Variants in SUCLA2 observed in about 807,000 individuals in gnomAD.
The protein encoded by SUCLA2 is succinate--CoA ligase [ADP-forming] subunit beta, mitochondrial.
SUCLA2 carries 30 observed loss-of-function variants against 54.8 expected under a neutral mutation model. The ratio of observed to expected loss-of-function variants is 0.55; its 90% CI spans 0.41 to 0.74. SUCLA2 has a LOEUF of 0.74. Ranked by LOEUF, SUCLA2 falls within the 30% of genes least tolerant of loss-of-function variation. SUCLA2 has a pLI of 0.00. For synonymous variants in SUCLA2, 172 were observed against 188.9 expected (o/e 0.91, Z 0.74); for missense variants, 476 against 562.9 (o/e 0.85, Z 1.56).
At chr13:47,957,889 G>T (rs977787100) in intron 6 of SUCLA2, among the ~76,000 whole-genome samples, 2 of 152,158 alleles carry the variant, frequency 1.3e-5, no homozygotes, top group Non-Finnish European at 1.5e-5. Context: ...TGTCAGTTTG[G>T]ACACTTTTGG....
chr13:47,973,870 G>C lies in SUCLA2; in HGVS notation c.535-478C>G, dbSNP rs1972347. On this transcript the variant is annotated intron_variant, in intron 4 of 10. Transcript: ENST00000646932. Reference sequence around the variant, plus strand: ...AACCAAACATCACATGTTCTCACTCGTAAGTGGGAACTGAACAATGAGAAC... The same window carrying C: ...AACCAAACATCACATGTTCTCACTCCTAAGTGGGAACTGAACAATGAGAAC... Among the ~76,000 whole-genome samples, 5 of 151,888 alleles carry C rather than the reference G, an allele frequency of 3.3e-5. 1 individual carries two copies. The highest frequency in any genetic ancestry group is 3.3e-4 in the Admixed American group (5 of 15,242).
intron 6 of SUCLA2, among the ~76,000 whole-genome samples, chr13:47,967,671 T>C (rs551123103): frequency 1.3e-3 from 165 of 129,182 alleles, no homozygotes; most frequent in Non-Finnish European, 2.5e-3. Context: ...TGAAACCTCA[T>C]CTCTACTAAA....
chr13:47,968,107 AAAATT>A (rs750738402), intron 6 of SUCLA2, among the ~76,000 whole-genome samples: 71 of 152,228 alleles, frequency 4.7e-4, no homozygotes, highest in Non-Finnish European at 7.6e-4. Flanking sequence ...CTAATTCCAT[AAAATT>A]ACAGCTCAAT....
chr13:47,974,225 C>T (rs1949990726), intron 4 of SUCLA2, among the ~76,000 whole-genome samples: 1 of 151,682 alleles, frequency 6.6e-6, no homozygotes, highest in Admixed American at 6.6e-5. Context: ...ATCCTGAAAA[C>T]AGATATTTGA....
intron 6 of SUCLA2, among the ~76,000 whole-genome samples, chr13:47,958,107 G>C (rs1949836583): frequency 1.3e-5 from 2 of 152,202 alleles, no homozygotes; most frequent in African/African-American, 4.8e-5. Flanking sequence ...AAGCAGGGTT[G>C]AGCCTGGTTA....
chr13:47,971,701 C>T (rs1036481404), intron 5 of SUCLA2: 1 of 389,578 alleles, frequency 2.6e-6, no homozygotes, highest in Non-Finnish European at 4.5e-6. Context: ...TAAAATCATT[C>T]ATAAACCACA....
chr13:47,948,912 C>A (rs757612780), intron 10 of SUCLA2, 28 bp downstream of exon 10: 7 of 1,600,504 alleles, frequency 4.4e-6, no homozygotes, highest in Non-Finnish European at 6.0e-6. Context: ...GTTTATAAAT[C>A]CTCCTTAGAT....
chr13:47,949,885 T>G (rs12874522), intron 8 of SUCLA2, among the ~76,000 whole-genome samples: 1 of 152,180 alleles, frequency 6.6e-6, no homozygotes, highest in Non-Finnish European at 1.5e-5. Flanking sequence ...TTACTTTCTC[T>G]TGTTAAATTT....
At chr13:47,970,429 T>C (rs937310894) in intron 5 of SUCLA2, among the ~76,000 whole-genome samples, 2 of 152,180 alleles carry the variant, frequency 1.3e-5, no homozygotes, top group African/African-American at 4.8e-5. Flanking sequence ...AATTTCACTC[T>C]CCAGTCATCA....
intron 10 of SUCLA2, among the ~76,000 whole-genome samples, chr13:47,945,077 G>GC (rs1386834603): frequency 4.0e-5 from 6 of 151,398 alleles, no homozygotes; most frequent in African/African-American, 1.5e-4. Context: ...TGGTGAAACC[G>GC]CATCTCTACT....
At chr13:47,975,176 T>C (rs1446236046) in intron 4 of SUCLA2, among the ~76,000 whole-genome samples, 1 of 151,866 alleles carries the variant, frequency 6.6e-6, no homozygotes, top group Non-Finnish European at 1.5e-5. Flanking sequence ...TTTTTTTTTT[T>C]TTTATCTGGA....
At chr13:48,000,813 C>CA in intron 1 of SUCLA2, 1 of 1,088,004 alleles carries the variant, frequency 9.2e-7, no homozygotes, top group Non-Finnish European at 1.1e-6. Context: ...CCCCCCTGCC[C>CA]AAAAAGGGGC....
At position 47,988,922 on chromosome 13, in the gene SUCLA2, A is replaced by G. The variant is rs1390092661; in HGVS notation, c.331T>C (p.Phe111Leu). The change falls in exon 3 of 11, where the codon TTT becomes CTT. Residue 111 changes from phenylalanine (F) to leucine (L), a missense_variant. Physicochemically the swap from Phe to Leu is conservative, Grantham distance 22 (BLOSUM62 0). Transcript: ENST00000646932. ...ACTCCTCCTTTGAGGCCACTTTCAAATGTTCCTTTTCCTCTACCACCAGCT... is the reference window on the plus strand; with the variant it reads ...ACTCCTCCTTTGAGGCCACTTTCAAGTGTTCCTTTTCCTCTACCACCAGCT... Reference protein sequence around the residue: ...VLAGGRGKGTFESGLKGGVKI... With the variant: ...VLAGGRGKGTLESGLKGGVKI... 6.2e-7 allele frequency: 1 copy of G among 1,613,338 alleles called. No individual in the cohort carries two copies. The highest frequency in any genetic ancestry group is 1.3e-5 in the African/African-American group (1 of 74,920).
intron 5 of SUCLA2, chr13:47,971,446 T>C (rs1445305587): frequency 6.4e-6 from 1 of 155,172 alleles, no homozygotes; most frequent in African/African-American, 2.4e-5. Flanking sequence ...AAAAGATGAG[T>C]CACTTATTTT....
intron 4 of SUCLA2, among the ~76,000 whole-genome samples, chr13:47,982,359 A>G (rs1319070053): frequency 1.3e-5 from 2 of 152,224 alleles, no homozygotes; most frequent in Non-Finnish European, 2.9e-5. Context: ...CAGCTACTTC[A>G]GGTATCTAAA....
intron 1 of SUCLA2, among the ~76,000 whole-genome samples, chr13:48,000,136 T>TGAA (rs1555260542): frequency 2.1e-4 from 20 of 93,168 alleles, no homozygotes; most frequent in Admixed American, 6.2e-4. Context: ...TCAATAAAAA[T>TGAA]GAAAAAAAAA....
intron 10 of SUCLA2, among the ~76,000 whole-genome samples, chr13:47,944,315 TATC>T (rs1399285448): frequency 3.3e-5 from 5 of 152,194 alleles, no homozygotes; most frequent in Admixed American, 6.5e-5. Context: ...TAACTGCTAA[TATC>T]ATCATCATCT....
chr13:47,973,425 A>T (rs752764499), intron 4 of SUCLA2, 33 bp from the exon 5 acceptor site: 12 of 1,609,776 alleles, frequency 7.5e-6, no homozygotes, highest in Non-Finnish European at 1.0e-5. Context: ...AAAACTCTAG[A>T]TTTATTTTAG....
chr13:47,966,300 A>G (rs1949917738), intron 6 of SUCLA2, among the ~76,000 whole-genome samples: 1 of 152,144 alleles, frequency 6.6e-6, no homozygotes, highest in Non-Finnish European at 1.5e-5. Context: ...AAAAGCACAC[A>G]TGGTACCATA....
Sources: gnomAD v4.1 joint callset for allele counts (sites outside exome capture counted in the v4.1 genomes callset) on GRCh38, gnomAD v4.1.1 for gene constraint, MANE v1.5 for transcripts, NCBI Gene and HGNC (gene_info 2026-07-23, HGNC 2026-07-21) for gene names.